Variants in PRAMEF4 observed in about 807,000 individuals in gnomAD.
The protein encoded by PRAMEF4 is PRAME family member 4, also known as RP5-845O24.6.
PRAMEF4 carries 18 observed loss-of-function variants against 34.4 expected under a neutral mutation model. The ratio of observed to expected loss-of-function variants is 0.52; its 90% confidence interval spans 0.36 to 0.78. The LOEUF (loss-of-function observed/expected upper bound fraction) is 0.78, where lower values mean the gene tolerates loss of function less well. Among genes scored for constraint, PRAMEF4 ranks in the 30% least tolerant of loss-of-function variants. The pLI is 0.00. For synonymous variants in PRAMEF4, 156 were observed against 219.3 expected (o/e 0.71, Z 2.55); for missense variants, 482 against 569.1 (o/e 0.85, Z 1.56).
Position 12,884,517 on chromosome 1 carries a change from C to T in PRAMEF4, c.-16-1107G>A, listed in dbSNP as rs569497247. On this transcript the variant is annotated intron_variant, in intron 1 of 3. Coordinates refer to ENST00000235349, the MANE Select transcript of PRAMEF4 (RefSeq NM_001009611.4). The stretch of plus-strand genomic sequence containing the variant: ...ATCATCTGAGATCAGGAATTCAAGA[C>T]GAGCCTGGCCAACATGGTAAAACCC... Among the ~76,000 whole-genome samples, 31 of 148,044 alleles carry T rather than the reference C, an allele frequency of 2.1e-4. 1 individual carries two copies. The highest frequency in any genetic ancestry group is 3.4e-3 in the Middle Eastern group (1 of 290).
At chr1:12,885,002 G>T (rs1207785574) in intron 1 of PRAMEF4, among the ~76,000 whole-genome samples, 9 of 150,432 alleles carry the variant, frequency 6.0e-5, no homozygotes, top group African/African-American at 2.2e-4. Flanking sequence ...CTTTGTTGAG[G>T]GATCCTTGGC....
At position 12,883,172 on chromosome 1, in the gene PRAMEF4, G is replaced by T; in HGVS notation, c.223C>A (p.Pro75Thr). The stretch of plus-strand genomic sequence containing the variant: ...ACAGCTTGGAAGGCCTCCAGACAAG[G>T]CATCTTTATCAGAGGCCTCAGAGGG... ...RLPLRPLIKM[P>T]CLEAFQAVLD... Residue 75 changes from proline to threonine, a missense_variant, in exon 2 of 4, where the codon CCT (proline) becomes ACT (threonine). Physicochemically the swap from Pro to Thr is conservative, Grantham distance 38 (BLOSUM62 -1). Coordinates refer to ENST00000235349, the MANE Select transcript of PRAMEF4 (RefSeq NM_001009611.4). 1 of 1,601,172 alleles carries T rather than the reference G, an allele frequency of 6.2e-7. No homozygotes were observed. The highest frequency in any genetic ancestry group is 8.5e-7 in the Non-Finnish European group (1 of 1,174,030).
chr1:12,885,712 G>C (rs1640989027), intron 1 of PRAMEF4, among the ~76,000 whole-genome samples: 1 of 146,662 alleles, frequency 6.8e-6, no homozygotes, highest in Non-Finnish European at 1.5e-5. Flanking sequence ...TTGAACCCGG[G>C]AAGTAAAGGT....
intron 3 of PRAMEF4, among the ~76,000 whole-genome samples, chr1:12,880,884 TG>T (rs1327739024): frequency 6.8e-6 from 1 of 146,318 alleles, no homozygotes; most frequent in East Asian, 2.0e-4. Flanking sequence ...TTCAGAATCA[TG>T]CATTGCCTAG....
chr1:12,884,601 G>C (rs907618399), intron 1 of PRAMEF4, among the ~76,000 whole-genome samples: 1 of 147,486 alleles, frequency 6.8e-6, no homozygotes, highest in Non-Finnish European at 1.5e-5. Flanking sequence ...TGTAGTCCAA[G>C]CTACTAGGGA....
intron 3 of PRAMEF4, among the ~76,000 whole-genome samples, chr1:12,881,508 G>T (rs1010964940): frequency 6.7e-6 from 1 of 148,840 alleles, no homozygotes; most frequent in African/African-American, 2.5e-5. Flanking sequence ...TAGGATTACA[G>T]GCATGAGCCA....
chr1:12,884,481 G>A (rs1389749911), intron 1 of PRAMEF4, among the ~76,000 whole-genome samples: 8 of 148,838 alleles, frequency 5.4e-5, no homozygotes, highest in African/African-American at 2.0e-4. Flanking sequence ...TTGTGAGGCC[G>A]AGGCAGGTGG....
Position 12,879,782 on chromosome 1 carries a change from A to T in PRAMEF4, c.1199T>A (p.Leu400Gln), listed in dbSNP as rs2100418217. The T allele has an allele frequency of 1.2e-6, 2 of 1,602,376 alleles. No individual in the cohort carries two copies. Among genetic ancestry groups the T allele is most frequent in the East Asian group, 4.5e-5 (2 of 44,628 alleles). The change falls in exon 4 of 4, where the codon CTG becomes CAG. Residue 400 changes from leucine to glutamine, a missense_variant. Physicochemically the swap from Leu to Gln is moderately radical, Grantham distance 113. Around this residue, in one of 6 missense-constraint regions of PRAMEF4, gnomAD observed 116 missense variants for 105.2 expected, o/e 1.10. Coordinates refer to ENST00000235349, the MANE Select transcript of PRAMEF4 (RefSeq NM_001009611.4). Reference protein sequence around the residue: ...NPICMATLENLLSHTIILKNL... With the variant: ...NPICMATLENQLSHTIILKNL... ...TTTGAGTATGATTGTGTGGCTCAGC[A>T]GGTTCTCCAGGGTGGCCATGCAGAT...
In PRAMEF4 at chr1:12,882,024, A is replaced by G; in HGVS notation, c.705T>C (p.Asn235=). ...QFTPYLGHMR[N]LQKLILSHMD... ...TGTGGGAGAGAATGAGTTTCTGAAG[A>G]TTCCTCATGTGGCCCAGGTATGGGG... Residue 235 remains asparagine (N), a synonymous_variant, in exon 3 of 4, where the codon AAT becomes AAC. Coordinates refer to ENST00000235349, the MANE Select transcript of PRAMEF4 (RefSeq NM_001009611.4). 6.3e-7 allele frequency: 1 copy of G among 1,591,104 alleles called. No individual in the cohort carries two copies.
At chr1:12,880,180 G>T in intron 3 of PRAMEF4, 75 bp from the exon 4 acceptor site, 2 of 1,568,902 alleles carry the variant, frequency 1.3e-6, no homozygotes, top group Non-Finnish European at 1.7e-6. Context: ...ATGGCTTCAA[G>T]GTAATGGATG....
rs1301090602 is a variant in PRAMEF4, at chr1:12,883,386, C to T, written c.9G>A (p.Met3Ile). Residue 3 changes from methionine (M) to isoleucine (I), a missense_variant, in exon 2 of 4, where the codon ATG becomes ATA. Around this residue, in one of 6 missense-constraint regions of PRAMEF4, gnomAD observed 172 missense variants for 130.2 expected, o/e 1.32. Coordinates refer to ENST00000235349, the MANE Select transcript of PRAMEF4 (RefSeq NM_001009611.4). Reference sequence around the variant, plus strand: ...GGAGTCTGGGTGGAGTCCAGATGCTCATCTTCATGAATCTGCAGGGAAAAC... The same window carrying T: ...GGAGTCTGGGTGGAGTCCAGATGCTTATCTTCATGAATCTGCAGGGAAAAC... MK[M>I]SIWTPPRLLE... The T allele has an allele frequency of 6.2e-7, 1 of 1,601,392 alleles. No homozygotes were observed. The highest frequency in any genetic ancestry group is 8.5e-7 in the Non-Finnish European group (1 of 1,174,118).
intron 3 of PRAMEF4, 91 bp from the exon 4 acceptor site, chr1:12,880,196 C>T (rs1640861289): frequency 5.1e-6 from 8 of 1,565,484 alleles, no homozygotes; most frequent in South Asian, 1.1e-5. Flanking sequence ...GGATGGAGAC[C>T]TTTTTGCCCA....
rs1300021351 is a variant in PRAMEF4 at position 12,882,360 on chromosome 1, G to A, written c.369C>T (p.Ala123=). Residue 123 remains alanine (A), a synonymous_variant, in exon 3 of 4, where the codon GCC becomes GCT. Transcript: ENST00000235349. ...NFWMVWSEAM[A]HGCFLNAKRN... Reference sequence around the variant, plus strand: ...TCTTGGCATTGAGGAAGCACCCATGGGCCATAGCTTCAGACCAAACCATCC... The same window carrying A: ...TCTTGGCATTGAGGAAGCACCCATGAGCCATAGCTTCAGACCAAACCATCC... The A allele has an allele frequency of 1.3e-6, 2 of 1,580,672 alleles. No homozygotes were observed.
At chr1:12,881,423 GT>G (rs1484711092) in intron 3 of PRAMEF4, among the ~76,000 whole-genome samples, 1 of 148,948 alleles carries the variant, frequency 6.7e-6, no homozygotes, top group African/African-American at 2.5e-5. Flanking sequence ...TCTGACAGGG[GT>G]CTTGGTATGT....
At chr1:12,885,154 G>A (rs1425634669) in intron 1 of PRAMEF4, among the ~76,000 whole-genome samples, 2 of 150,650 alleles carry the variant, frequency 1.3e-5, no homozygotes, top group Admixed American at 6.8e-5. Flanking sequence ...TGAGGGAGCT[G>A]AGTCTCACTT....
intron 1 of PRAMEF4, among the ~76,000 whole-genome samples, chr1:12,885,180 A>G (rs1283792884): frequency 6.6e-6 from 1 of 150,514 alleles, no homozygotes; most frequent in Non-Finnish European, 1.5e-5. Context: ...CCCAGGCTGG[A>G]GTGCAGTGGC....
Position 12,879,885 on chromosome 1 carries a change from C to T in PRAMEF4, c.1096G>A (p.Asp366Asn), listed in dbSNP as rs761366667. 1 of 1,601,064 alleles carries T rather than the reference C, an allele frequency of 6.2e-7. No homozygotes were observed. Among genetic ancestry groups the T allele is most frequent in the Non-Finnish European group, 8.5e-7 (1 of 1,174,290 alleles). Residue 366 changes from aspartate (D) to asparagine (N), a missense_variant, in exon 4 of 4, where the codon GAC becomes AAC. Transcript: ENST00000235349. ...GGCAAGATGGCGTTGACTTGGGAGT[C>T]TATGATGCCACAGTCATCTAAATCC... ...YLDLDDCGII[D>N]SQVNAILPAL...
chr1:12,881,124 G>C (rs202208494), intron 3 of PRAMEF4, among the ~76,000 whole-genome samples: 370 of 142,850 alleles, frequency 2.6e-3, no homozygotes, highest in East Asian at 7.3e-3. Flanking sequence ...CCAGCACTTT[G>C]GGAGTCCATG....
rs1286830693 is a variant in PRAMEF4 at position 12,880,106 on chromosome 1, C to T, written c.876-1G>A. 6.5e-7 allele frequency: 1 copy of T among 1,528,394 alleles called. No homozygotes were observed. Among genetic ancestry groups the T allele is most frequent in the Non-Finnish European group, 9.0e-7 (1 of 1,113,808 alleles). The allele number at this position is 1,528,394 out of a possible 1,614,324, so 94.7% of individuals were successfully genotyped here. A position where few individuals can be genotyped will look rare whatever the true frequency, so the allele number is the denominator to read the frequency against. On this transcript the variant is annotated splice_acceptor_variant, in intron 3 of 3. Transcript: ENST00000235349. LOFTEE classifies it high-confidence loss of function. ...GAACTTTAACGAGGTCTTCAGACAG[C>T]TGGGGAGAGAGAGCAAGAAGTTAAT... is the stretch of plus-strand genomic sequence containing the variant.
Sources: allele counts gnomAD v4.1 joint callset (sites outside exome capture counted in the v4.1 genomes callset), GRCh38; gene constraint gnomAD v4.1.1; regional missense constraint gnomAD v4.1.1; transcripts MANE v1.5; gene names NCBI Gene and HGNC (gene_info 2026-07-23, HGNC 2026-07-21).